Variants in NDUFAF2 observed in about 807,000 individuals in gnomAD.
NDUFAF2 encodes the protein NADH dehydrogenase [ubiquinone] 1 alpha subcomplex assembly factor 2.
NDUFAF2 carries 13 observed loss-of-function variants against 22.8 expected under a neutral mutation model. The observed-to-expected ratio is 0.57, with a 90% confidence interval of 0.37 to 0.91. The LOEUF is 0.91. Ranked by LOEUF, NDUFAF2 falls within the 40% of genes least tolerant of loss-of-function variation. The pLI, the probability that NDUFAF2 is intolerant of heterozygous loss-of-function variation, is 0.01. For synonymous variants in NDUFAF2, 53 were observed against 64.2 expected (o/e 0.83, Z 0.84); for missense variants, 162 against 195.2 (o/e 0.83, Z 1.01).
chr5:60,985,778 T>C (rs1406471923), intron 1 of NDUFAF2, among the ~76,000 whole-genome samples: 1 of 152,172 alleles, frequency 6.6e-6, no homozygotes, highest in East Asian at 1.9e-4. Context: ...TTCACTATCA[T>C]GAGATCGGCT....
chr5:60,991,869 C>T (rs1751162291), intron 1 of NDUFAF2, among the ~76,000 whole-genome samples: 1 of 152,102 alleles, frequency 6.6e-6, no homozygotes, highest in Non-Finnish European at 1.5e-5. Flanking sequence ...TGAGGAATCT[C>T]CAGACTGTTC....
At chr5:61,136,030 TATATATATATATCTAG>T (rs1392528992) in intron 3 of NDUFAF2, among the ~76,000 whole-genome samples, 2 of 72,600 alleles carry the variant, frequency 2.8e-5, no homozygotes, top group African/African-American at 4.0e-5. Context: ...TATATATATA[TATATATATATATCTAG>T]GGTGGATTGC....
intron 1 of NDUFAF2, among the ~76,000 whole-genome samples, chr5:60,950,898 T>G (rs1219245410): frequency 2.0e-5 from 3 of 152,150 alleles, no homozygotes; most frequent in African/African-American, 7.2e-5. Flanking sequence ...CTCTGTAGTT[T>G]TGCCTTTTCC....
At chr5:61,096,372 G>A (rs1184646560) in intron 2 of NDUFAF2, among the ~76,000 whole-genome samples, 3 of 152,142 alleles carry the variant, frequency 2.0e-5, no homozygotes, top group African/African-American at 4.8e-5. Flanking sequence ...AGGCTGAGGC[G>A]AGCAGATCAC....
At chr5:61,055,660 G>C (rs1179679258) in intron 1 of NDUFAF2, among the ~76,000 whole-genome samples, 1 of 152,178 alleles carries the variant, frequency 6.6e-6, no homozygotes, top group African/African-American at 2.4e-5. Context: ...AGCAAAGGGG[G>C]AAGATGTGGA....
chr5:60,967,687 A>G (rs1172738839), intron 1 of NDUFAF2, among the ~76,000 whole-genome samples: 1 of 151,840 alleles, frequency 6.6e-6, no homozygotes, highest in Non-Finnish European at 1.5e-5. Context: ...TTCCAGGGAT[A>G]AATCTCACTT....
intron 3 of NDUFAF2, among the ~76,000 whole-genome samples, chr5:61,133,100 A>T (rs1753133132): frequency 6.6e-6 from 1 of 152,154 alleles, no homozygotes; most frequent in Non-Finnish European, 1.5e-5. Flanking sequence ...TCCTTCTGAG[A>T]TGTAAGCAAC....
At chr5:61,076,477 T>C (rs1004457151) in intron 2 of NDUFAF2, among the ~76,000 whole-genome samples, 2 of 152,232 alleles carry the variant, frequency 1.3e-5, no homozygotes, top group Non-Finnish European at 2.9e-5. Flanking sequence ...AGAGCATTAC[T>C]GGAGAGCAAG....
intron 3 of NDUFAF2, among the ~76,000 whole-genome samples, chr5:61,124,658 A>G (rs1055081739): frequency 6.6e-6 from 1 of 152,124 alleles, no homozygotes; most frequent in African/African-American, 2.4e-5. Context: ...TACCACATTG[A>G]AATGTTCAGT....
chr5:61,091,944 CA>C (rs1752574421), intron 2 of NDUFAF2, among the ~76,000 whole-genome samples: 2 of 152,022 alleles, frequency 1.3e-5, no homozygotes, highest in Non-Finnish European at 2.9e-5. Context: ...CCATTTATTG[CA>C]TAAGAAATTC....
chr5:61,051,681 G>A (rs1752026377), intron 1 of NDUFAF2, among the ~76,000 whole-genome samples: 1 of 152,096 alleles, frequency 6.6e-6, no homozygotes, highest in Admixed American at 6.5e-5. Flanking sequence ...TTTGTATAGG[G>A]ATGGTGTTAG....
chr5:60,970,612 T>A (rs1056522150), intron 1 of NDUFAF2, among the ~76,000 whole-genome samples: 1 of 152,188 alleles, frequency 6.6e-6, no homozygotes, highest in Non-Finnish European at 1.5e-5. Flanking sequence ...TTTAGGTTAT[T>A]CCAAATATAA....
intron 1 of NDUFAF2, 102 bp downstream of exon 1, chr5:60,945,484 C>G: frequency 1.3e-6 from 2 of 1,499,010 alleles, no homozygotes; most frequent in Non-Finnish European, 1.9e-6. Flanking sequence ...TCATGCGACA[C>G]TTAGGGTGTC....
chr5:61,094,552 G>A (rs1752611475), intron 2 of NDUFAF2, among the ~76,000 whole-genome samples: 1 of 152,206 alleles, frequency 6.6e-6, no homozygotes, highest in South Asian at 2.1e-4. Context: ...TGGTCATTTG[G>A]AGGAAAGAGG....
intron 1 of NDUFAF2, among the ~76,000 whole-genome samples, chr5:60,946,482 A>G (rs976744067): frequency 6.6e-6 from 1 of 152,124 alleles, no homozygotes; most frequent in Admixed American, 6.5e-5. Flanking sequence ...TGTTTCCCTA[A>G]TGAGCTCCTC....
chr5:60,959,863 G>T (rs1452450438), intron 1 of NDUFAF2, among the ~76,000 whole-genome samples: 1 of 151,984 alleles, frequency 6.6e-6, no homozygotes, highest in African/African-American at 2.4e-5. Context: ...CCCTTAGTTC[G>T]TGTGTATATG....
At chr5:60,945,786 G>A (rs1750437304) in intron 1 of NDUFAF2, among the ~76,000 whole-genome samples, 1 of 152,236 alleles carries the variant, frequency 6.6e-6, no homozygotes, top group African/African-American at 2.4e-5. Context: ...GGCCAGGGGA[G>A]GGGTTTTTCG....
At chr5:60,983,497 T>C (rs1257850689) in intron 1 of NDUFAF2, among the ~76,000 whole-genome samples, 2 of 147,530 alleles carry the variant, frequency 1.4e-5, no homozygotes, top group Admixed American at 6.8e-5. Context: ...CTGAATGGTA[T>C]TGCCTAGGTT....
chr5:61,105,629 CAAAAA>C (rs35145386), intron 3 of NDUFAF2, among the ~76,000 whole-genome samples: 1 of 117,782 alleles, frequency 8.5e-6, no homozygotes, highest in Non-Finnish European at 1.8e-5. Context: ...TGATACTGAG[CAAAAA>C]AAAAAAAAAA....
Sources: allele counts gnomAD v4.1 joint callset (sites outside exome capture counted in the v4.1 genomes callset), GRCh38; gene constraint gnomAD v4.1.1; transcripts MANE v1.5; gene names NCBI Gene and HGNC (gene_info 2026-07-23, HGNC 2026-07-21).